Variants in IGSF21 observed in about 807,000 individuals in gnomAD.
IGSF21 encodes immunoglobulin superfamily member 21.
Under a neutral mutation model 46.8 loss-of-function variants are expected in IGSF21, and 28 were observed. The observed-to-expected ratio is 0.60, with a 90% CI of 0.44 to 0.82. IGSF21 has a LOEUF of 0.82. Ranked by LOEUF, IGSF21 falls within the 40% of genes least tolerant of loss-of-function variation. The pLI is 0.00. For missense variants in IGSF21, 624 were observed against 665.5 expected, an observed-to-expected ratio of 0.94 and a Z score of 0.69; for synonymous variants, 284 against 273.6, an observed-to-expected ratio of 1.04 and a Z score of -0.38.
chr1:18,205,297 A>T (rs1469797890), intron 1 of IGSF21, among the ~76,000 whole-genome samples: 1 of 152,156 alleles, frequency 6.6e-6, no homozygotes. Flanking sequence ...TCTACAATAA[A>T]CATATATGAT....
At chr1:18,141,099 G>T (rs1048071856) in intron 1 of IGSF21, among the ~76,000 whole-genome samples, 1 of 152,148 alleles carries the variant, frequency 6.6e-6, no homozygotes, top group Non-Finnish European at 1.5e-5. Flanking sequence ...CACCTCGGGG[G>T]TCACCCAGCA....
At chr1:18,288,363 G>A (rs77382780) in intron 2 of IGSF21, among the ~76,000 whole-genome samples, 1,916 of 152,272 alleles carry the variant, frequency 0.013, 20 homozygotes, top group Middle Eastern at 0.037. Flanking sequence ...ATAACACTTG[G>A]TAATTACCTG....
chr1:18,280,498 C>G (rs189850809), intron 2 of IGSF21, among the ~76,000 whole-genome samples: 6 of 152,240 alleles, frequency 3.9e-5, no homozygotes, highest in Admixed American at 3.9e-4. Flanking sequence ...CATTTTACAG[C>G]TAACAGCACT....
intron 6 of IGSF21, 57 bp from the exon 7 acceptor site, chr1:18,376,253 A>C: frequency 8.4e-7 from 1 of 1,195,330 alleles, no homozygotes; most frequent in South Asian, 1.2e-5. Context: ...TTTCTCTTCC[A>C]TGTACCCTGT....
At chr1:18,293,485 G>A (rs1263056663) in intron 3 of IGSF21, among the ~76,000 whole-genome samples, 3 of 152,190 alleles carry the variant, frequency 2.0e-5, no homozygotes, top group Non-Finnish European at 4.4e-5. Context: ...ACCATGCTGA[G>A]AATGTGGACG....
At chr1:18,346,671 C>T (rs115426957) in intron 4 of IGSF21, among the ~76,000 whole-genome samples, 4 of 152,254 alleles carry the variant, frequency 2.6e-5, no homozygotes, top group Non-Finnish European at 4.4e-5. Flanking sequence ...AGCCAGCGAT[C>T]GCAGAAAATG....
At chr1:18,329,918 C>T (rs937247398) in intron 3 of IGSF21, among the ~76,000 whole-genome samples, 2 of 152,230 alleles carry the variant, frequency 1.3e-5, no homozygotes, top group Admixed American at 6.5e-5. Context: ...CATCCGCCCT[C>T]GCTGTGCCTG....
intron 1 of IGSF21, among the ~76,000 whole-genome samples, chr1:18,207,361 C>G (rs2084339231): frequency 6.6e-6 from 1 of 152,120 alleles, no homozygotes; most frequent in South Asian, 2.1e-4. Context: ...GGAGTGATAA[C>G]CCATCATATT....
At chr1:18,244,502 T>C (rs994053825) in intron 2 of IGSF21, among the ~76,000 whole-genome samples, 4 of 152,184 alleles carry the variant, frequency 2.6e-5, no homozygotes, top group African/African-American at 9.7e-5. Flanking sequence ...CACCCAGGAG[T>C]GGACTCAATG....
intron 2 of IGSF21, among the ~76,000 whole-genome samples, chr1:18,256,967 T>C (rs569519143): frequency 2.4e-4 from 36 of 152,256 alleles, no homozygotes; most frequent in Admixed American, 1.8e-3. Flanking sequence ...ACTCTCTCCA[T>C]AGCTCACCCA....
Position 18,272,176 on chromosome 1 carries a change from T to A in IGSF21, c.184-19690T>A, listed in dbSNP as rs550751446. The stretch of plus-strand genomic sequence containing the variant: ...ACCAAGTGAAAGGGTTTTCCCCTTA[T>A]AAAACCATCATCTCTCGTGAGACTT... On this transcript the variant is annotated intron_variant, in intron 2 of 9. Transcript: ENST00000251296. Among the ~76,000 whole-genome samples, 16 of 152,254 alleles carry A rather than the reference T, an allele frequency of 1.1e-4. No individual in the cohort carries two copies. In the South Asian group the frequency reaches 1.7e-3, roughly 16 times the overall value.
chr1:18,299,579 T>C (rs2085341987), intron 3 of IGSF21, among the ~76,000 whole-genome samples: 1 of 152,194 alleles, frequency 6.6e-6, no homozygotes, highest in South Asian at 2.1e-4. Context: ...ATTGATTCTT[T>C]TGACCACTCA....
intron 2 of IGSF21, among the ~76,000 whole-genome samples, chr1:18,232,855 T>C (rs2084641074): frequency 6.6e-6 from 1 of 152,240 alleles, no homozygotes; most frequent in Admixed American, 6.5e-5. Flanking sequence ...CATGTGGGCA[T>C]CTGTGTAATG....
At chr1:18,330,124 T>C (rs1384500497) in intron 3 of IGSF21, among the ~76,000 whole-genome samples, 3 of 152,206 alleles carry the variant, frequency 2.0e-5, no homozygotes, top group African/African-American at 7.2e-5. Context: ...GTGGAAAGCC[T>C]TCTATTCATC....
intron 3 of IGSF21, among the ~76,000 whole-genome samples, chr1:18,301,381 C>G (rs540521694): frequency 2.6e-4 from 39 of 152,292 alleles, no homozygotes; most frequent in African/African-American, 9.1e-4. Context: ...GCTCTGTCGC[C>G]CAGGCTGGAG....
rs1332116244 is a variant in IGSF21 at position 18,341,085 on chromosome 1, C to T, written c.424+6075C>T. 8.1e-3 allele frequency among the ~76,000 whole-genome samples: 974 copies of T among 120,522 alleles called. 7 individuals are homozygous for T. Among genetic ancestry groups the T allele is most frequent in the Non-Finnish European group, 0.013 (729 of 55,496 alleles). 79.1% of individuals were successfully genotyped at this position (120,522 alleles called of 152,430 possible). A position where few individuals can be genotyped will look rare whatever the true frequency, so the allele number is the denominator to read the frequency against. ...TTCTTCTTCTTCTTCTTCTCCTCCT[C>T]CTCCTCCTCCTTCTCCTCCTCCCCC... On this transcript the variant is annotated intron_variant, in intron 4 of 9. Coordinates refer to ENST00000251296, the MANE Select transcript of IGSF21 (RefSeq NM_032880.5).
intron 6 of IGSF21, among the ~76,000 whole-genome samples, chr1:18,367,606 T>C (rs1055183997): frequency 1.0e-3 from 126 of 125,088 alleles, no homozygotes; most frequent in African/African-American, 3.4e-3. Context: ...TCTCTCTCTT[T>C]TTTTTTTTTT....
At chr1:18,237,974 AG>A (rs2124515214) in intron 2 of IGSF21, among the ~76,000 whole-genome samples, 1 of 151,330 alleles carries the variant, frequency 6.6e-6, no homozygotes, top group Non-Finnish European at 1.5e-5. Flanking sequence ...TGGGGGCCTC[AG>A]GGTCCCTAGG....
At chr1:18,310,877 A>G (rs1452595384) in intron 3 of IGSF21, among the ~76,000 whole-genome samples, 1 of 151,790 alleles carries the variant, frequency 6.6e-6, no homozygotes, top group Non-Finnish European at 1.5e-5. Flanking sequence ...CATCACCCCA[A>G]ACTCCACCTC....
Sources: gnomAD v4.1 joint callset for allele counts (sites outside exome capture counted in the v4.1 genomes callset) on GRCh38, gnomAD v4.1.1 for gene constraint, MANE v1.5 for transcripts, NCBI Gene and HGNC (gene_info 2026-07-23, HGNC 2026-07-21) for gene names.